Variants in ARHGEF10L observed in about 807,000 individuals in gnomAD.
ARHGEF10L encodes the protein rho guanine nucleotide exchange factor 10-like protein.
In ARHGEF10L, 69 loss-of-function variants were observed where a neutral mutation model predicts 141.2. That is an observed-to-expected ratio of 0.49 (90% CI 0.40 to 0.60). The LOEUF (loss-of-function observed/expected upper bound fraction) is 0.60, where lower values mean the gene tolerates loss of function less well. Among genes scored for constraint, ARHGEF10L ranks in the 20% least tolerant of loss-of-function variants. ARHGEF10L has a pLI of 0.00. For synonymous variants in ARHGEF10L, 711 were observed against 718.5 expected, an observed-to-expected ratio of 0.99 and a Z score of 0.17; for missense variants, 1,482 against 1,734.3, an observed-to-expected ratio of 0.85 and a Z score of 2.58.
At chr1:17,530,060 T>C in the ARHGEF10L span, among the ~76,000 whole-genome samples, 1 of 152,096 alleles carries the variant, frequency 6.6e-6, no homozygotes, top group African/African-American at 2.4e-5. Context: ...CTTGAACTCC[T>C]GACCTCAGGT....
rs1206941121 is a variant in ARHGEF10L, at chr1:17,625,986, A to T, written c.1348A>T (p.Thr450Ser). ...GCAGGTGTGCAGCCCAGACCGTGTCACCCTCTACGGGCTGATGGTCAAGCC... is the reference window on the plus strand; with the variant it reads ...GCAGGTGTGCAGCCCAGACCGTGTCTCCCTCTACGGGCTGATGGTCAAGCC... ...RRQVCSPDRVTLYGLMVKPIQ... is the reference protein window; with the variant it reads ...RRQVCSPDRVSLYGLMVKPIQ... The change falls in exon 14 of 29, where the codon ACC becomes TCC. Residue 450 changes from threonine to serine, a missense_variant. Physicochemically the swap from Thr to Ser is moderately conservative, Grantham distance 58. Transcript: ENST00000361221. This position sits in a 1 kb window ranked among gnomAD's most constrained non-coding sequence, Gnocchi z 4.5. The T allele has an allele frequency of 6.2e-7, 1 of 1,613,822 alleles. No homozygotes were observed. The highest frequency in any genetic ancestry group is 1.7e-5 in the Admixed American group (1 of 59,998).
At chr1:17,609,504 C>T (rs1341561331) in intron 7 of ARHGEF10L, among the ~76,000 whole-genome samples, 10 of 152,214 alleles carry the variant, frequency 6.6e-5, no homozygotes, top group Admixed American at 4.6e-4. Flanking sequence ...CTCAGTGAAC[C>T]TTTACGGTCC....
intron 8 of ARHGEF10L, among the ~76,000 whole-genome samples, chr1:17,613,573 T>C (rs1463874761): frequency 6.6e-6 from 1 of 152,226 alleles, no homozygotes; most frequent in Admixed American, 6.5e-5. Flanking sequence ...GCACATTTCA[T>C]AATCTGCACA....
chr1:17,513,608 T>C, the ARHGEF10L span, among the ~76,000 whole-genome samples: 2 of 152,286 alleles, frequency 1.3e-5, no homozygotes, highest in Admixed American at 6.5e-5. Context: ...TTTTCAACCA[T>C]GGAGGGCCAT....
intron 1 of ARHGEF10L, among the ~76,000 whole-genome samples, chr1:17,554,138 G>T (rs1040641731): frequency 6.6e-6 from 1 of 152,154 alleles, no homozygotes; most frequent in Non-Finnish European, 1.5e-5. Context: ...CGTTCTCCCG[G>T]GCCCTAGATG....
chr1:17,655,351 T>C (rs558522300), intron 23 of ARHGEF10L, among the ~76,000 whole-genome samples: 1 of 151,852 alleles, frequency 6.6e-6, no homozygotes, highest in African/African-American at 2.4e-5. Context: ...ATTTAATCCA[T>C]CCATTTATTT....
chr1:17,623,541 A>C lies in ARHGEF10L; in HGVS notation c.1200+366A>C, dbSNP rs1305312653. Among the ~76,000 whole-genome samples, 1 of 152,204 alleles carries C rather than the reference A, an allele frequency of 6.6e-6. No individual in the cohort carries two copies. The highest frequency in any genetic ancestry group is 1.5e-5 in the Non-Finnish European group (1 of 68,048). On this transcript the variant is annotated intron_variant, in intron 12 of 28. Transcript: ENST00000361221. This position sits in a 1 kb window ranked among gnomAD's most constrained non-coding sequence, Gnocchi z 4.7. ...CCAGTGTGAAATGCTGTGAAAGACCACAACTTTGGCCCGGAGAGGATGTGC... is the reference window on the plus strand; with the variant it reads ...CCAGTGTGAAATGCTGTGAAAGACCCCAACTTTGGCCCGGAGAGGATGTGC...
chr1:17,586,358 G>A (rs2079023715), intron 2 of ARHGEF10L, among the ~76,000 whole-genome samples: 1 of 152,238 alleles, frequency 6.6e-6, no homozygotes, highest in Admixed American at 6.5e-5. Context: ...TGCCTAAGCT[G>A]TGTGTCATGT....
chr1:17,562,647 G>A (rs539761420), intron 1 of ARHGEF10L, among the ~76,000 whole-genome samples: 18 of 152,340 alleles, frequency 1.2e-4, no homozygotes, highest in African/African-American at 4.1e-4. Flanking sequence ...AGGAAAGTGC[G>A]GAGGCTGCTT....
At chr1:17,514,169 C>T in the ARHGEF10L span, among the ~76,000 whole-genome samples, 1 of 134,024 alleles carries the variant, frequency 7.5e-6, no homozygotes, top group South Asian at 2.5e-4. Flanking sequence ...CAGAGTCTCG[C>T]TCCGTTGCCC....
At chr1:17,696,034 TAAAAAATAA>T (rs1558061772) in intron 28 of ARHGEF10L, among the ~76,000 whole-genome samples, 1 of 151,054 alleles carries the variant, frequency 6.6e-6, no homozygotes, top group Non-Finnish European at 1.5e-5. Flanking sequence ...CCATCTCTAC[TAAAAAATAA>T]AAAAAAATAA....
intron 1 of ARHGEF10L, among the ~76,000 whole-genome samples, chr1:17,541,399 G>A (rs1428929486): frequency 6.6e-6 from 1 of 151,968 alleles, no homozygotes; most frequent in South Asian, 2.1e-4. Flanking sequence ...GTGCATAGTG[G>A]GTGCTCTACA....
chr1:17,584,873 A>G (rs1348791169), intron 2 of ARHGEF10L, among the ~76,000 whole-genome samples: 1 of 152,160 alleles, frequency 6.6e-6, no homozygotes, highest in Non-Finnish European at 1.5e-5. Context: ...ACACACACAC[A>G]CACACACCCC....
chr1:17,639,633 G>C lies in ARHGEF10L; in HGVS notation c.2172-569G>C. The C allele has an allele frequency of 2.7e-6, 1 of 373,640 alleles. No individual in the cohort carries two copies. Among genetic ancestry groups the C allele is most frequent in the Admixed American group, 3.3e-5 (1 of 30,494 alleles). The allele number at this position is 373,640 out of a possible 1,614,324, so 23.1% of individuals were successfully genotyped here. On this transcript the variant is annotated intron_variant, in intron 20 of 28. Transcript: ENST00000361221. The surrounding 1 kb of genome is among the most constrained non-coding windows in gnomAD (Gnocchi z 4.3). ...CACTGCCCTGCCCACCTCCCAAAGGGCTGGGAAGGCCCCCACTGCTCTGAG... is the reference window on the plus strand; with the variant it reads ...CACTGCCCTGCCCACCTCCCAAAGGCCTGGGAAGGCCCCCACTGCTCTGAG...
intron 11 of ARHGEF10L, 106 bp from the exon 12 acceptor site, chr1:17,622,890 C>T (rs976802813): frequency 8.2e-7 from 1 of 1,219,072 alleles, no homozygotes; most frequent in African/African-American, 1.5e-5. Flanking sequence ...TGCCTCCCCT[C>T]CGTGCCACGG....
chr1:17,608,755 C>T (rs181729658), intron 7 of ARHGEF10L, among the ~76,000 whole-genome samples: 328 of 152,178 alleles, frequency 2.2e-3, no homozygotes, highest in Non-Finnish European at 4.0e-3. Flanking sequence ...GAGGGGATGG[C>T]GTCCCTCTCA....
intron 6 of ARHGEF10L, among the ~76,000 whole-genome samples, chr1:17,605,290 C>A (rs2081066245): frequency 1.3e-5 from 2 of 152,292 alleles, no homozygotes; most frequent in South Asian, 4.1e-4. Flanking sequence ...AAATCCCCAG[C>A]TCACAGGCCT....
At chr1:17,631,852 G>A (rs1433902616) in intron 15 of ARHGEF10L, among the ~76,000 whole-genome samples, 2 of 152,242 alleles carry the variant, frequency 1.3e-5, no homozygotes, top group Non-Finnish European at 1.5e-5. Context: ...TACCTTGTGT[G>A]ATCTGAGCAG....
intron 27 of ARHGEF10L, among the ~76,000 whole-genome samples, chr1:17,691,692 A>G (rs2065120380): frequency 6.6e-6 from 1 of 151,708 alleles, no homozygotes; most frequent in African/African-American, 2.4e-5. Context: ...TCAATTGTGT[A>G]TATATATTAT....
Sources: gnomAD v4.1 joint callset for allele counts (sites outside exome capture counted in the v4.1 genomes callset) on GRCh38, gnomAD v4.1.1 for gene constraint, Gnocchi (gnomAD v3.1) non-coding constraint, MANE v1.5 for transcripts, NCBI Gene and HGNC (gene_info 2026-07-23, HGNC 2026-07-21) for gene names.